The following CHST11 variants were observed in gnomAD, a reference collection of about 807,000 sequenced individuals.
The protein encoded by CHST11 is carbohydrate sulfotransferase 11.
CHST11 carries 9 observed loss-of-function variants against 30.4 expected under a neutral mutation model. That is an observed-to-expected ratio of 0.30 (90% CI 0.18 to 0.52). CHST11 has a LOEUF of 0.52. Among genes scored for constraint, CHST11 ranks in the 20% least tolerant of loss-of-function variants. The pLI is 0.97. For synonymous variants in CHST11, 152 were observed against 187.8 expected (o/e 0.81, Z 1.56); for missense variants, 348 against 460.6 (o/e 0.76, Z 2.24).
intron 1 of CHST11, among the ~76,000 whole-genome samples, chr12:104,574,986 G>A (rs2038668824): frequency 6.6e-6 from 1 of 152,132 alleles, no homozygotes; most frequent in South Asian, 2.1e-4. Context: ...GAGTTCACTA[G>A]TTCAAGACCA....
chr12:104,476,282 T>C (rs2037562250), intron 1 of CHST11, among the ~76,000 whole-genome samples: 2 of 150,356 alleles, frequency 1.3e-5, no homozygotes, highest in African/African-American at 4.9e-5. Flanking sequence ...ACACATGTAG[T>C]ATATACACAT....
intron 1 of CHST11, among the ~76,000 whole-genome samples, chr12:104,482,933 G>A (rs1387685117): frequency 1.3e-5 from 2 of 152,064 alleles, no homozygotes; most frequent in East Asian, 1.9e-4. Flanking sequence ...CATAGACTTG[G>A]CCCGGAGTCA....
chr12:104,600,969 C>T lies in CHST11; in HGVS notation c.119-937C>T, dbSNP rs1486109252. Among the ~76,000 whole-genome samples the T allele has an allele frequency of 6.7e-6, 1 of 149,120 alleles. No homozygotes were observed. The highest frequency in any genetic ancestry group is 2.0e-4 in the East Asian group (1 of 5,086). On this transcript the variant is annotated intron_variant, in intron 1 of 2. Coordinates refer to ENST00000303694, the MANE Select transcript of CHST11 (RefSeq NM_018413.6). This position sits in a 1 kb window ranked among gnomAD's most constrained non-coding sequence, Gnocchi z 4.1. The stretch of plus-strand genomic sequence containing the variant: ...TCCCTCTTTTCCTCTCTCCTTCTTC[C>T]CTTCCCTTCCTTCCTTCGCTTGCTC...
intron 2 of CHST11, among the ~76,000 whole-genome samples, chr12:104,737,639 C>T (rs1592866740): frequency 6.6e-6 from 1 of 152,216 alleles, no homozygotes. Flanking sequence ...CCCTTTTGCC[C>T]AGTGCCTTCC....
intron 2 of CHST11, among the ~76,000 whole-genome samples, chr12:104,628,561 G>A (rs1592803375): frequency 6.6e-6 from 1 of 152,164 alleles, no homozygotes; most frequent in African/African-American, 2.4e-5. Context: ...GAATTCCGCT[G>A]ACAGAAGAGG....
intron 2 of CHST11, among the ~76,000 whole-genome samples, chr12:104,661,838 A>G (rs1383355190): frequency 6.6e-6 from 1 of 152,176 alleles, no homozygotes; most frequent in Non-Finnish European, 1.5e-5. Context: ...CAAAATTTGG[A>G]TAAAGTATTC....
intron 2 of CHST11, among the ~76,000 whole-genome samples, chr12:104,653,912 C>G (rs1233823071): frequency 1.3e-5 from 2 of 152,140 alleles, no homozygotes; most frequent in African/African-American, 4.8e-5. Context: ...TGCTGTGCTT[C>G]TATTTCACCT....
chr12:104,550,096 G>A (rs902902709), intron 1 of CHST11, among the ~76,000 whole-genome samples: 2 of 152,160 alleles, frequency 1.3e-5, no homozygotes, highest in Non-Finnish European at 2.9e-5. Context: ...TAAAACTAGA[G>A]GCACCCCTTG....
At chr12:104,728,049 T>C (rs1204092600) in intron 2 of CHST11, among the ~76,000 whole-genome samples, 1 of 152,218 alleles carries the variant, frequency 6.6e-6, no homozygotes, top group Non-Finnish European at 1.5e-5. Flanking sequence ...GGACATAGCA[T>C]GATGTTAAAA....
At chr12:104,551,347 C>G (rs983955500) in intron 1 of CHST11, among the ~76,000 whole-genome samples, 1 of 152,110 alleles carries the variant, frequency 6.6e-6, no homozygotes, top group African/African-American at 2.4e-5. Flanking sequence ...ACGCTGACAG[C>G]ATCATTCCAC....
At chr12:104,514,533 A>C (rs1375851538) in intron 1 of CHST11, 1 of 515,372 alleles carries the variant, frequency 1.9e-6, no homozygotes, top group Non-Finnish European at 3.5e-6. Context: ...TTTCTCTAAA[A>C]AAAAGAAAAA....
chr12:104,709,385 G>A (rs1326609309), intron 2 of CHST11, among the ~76,000 whole-genome samples: 1 of 152,240 alleles, frequency 6.6e-6, no homozygotes, highest in Admixed American at 6.5e-5. Context: ...AAAGCCAAAA[G>A]GCAGACGTGG....
At position 104,517,464 on chromosome 12, in the gene CHST11, A is replaced by G. The variant is rs150253526; in HGVS notation, c.118+59935A>G. On this transcript the variant is annotated intron_variant, in intron 1 of 2. Coordinates refer to ENST00000303694, the MANE Select transcript of CHST11 (RefSeq NM_018413.6). ...AGGGGCTTCCAGACCCCTGTTTGCA[A>G]TCATCACTTGTACACCAGAGCTTCT... Among the ~76,000 whole-genome samples, 433 of 152,248 alleles carry G rather than the reference A, an allele frequency of 2.8e-3. 3 individuals are homozygous for G. Among genetic ancestry groups the G allele is most frequent in the African/African-American group, 1.0e-2 (414 of 41,538 alleles).
intron 1 of CHST11, among the ~76,000 whole-genome samples, chr12:104,562,839 G>A (rs1258690967): frequency 1.3e-5 from 2 of 152,142 alleles, no homozygotes; most frequent in Non-Finnish European, 2.9e-5. Flanking sequence ...AACAGAGGTG[G>A]CAATTCATGA....
At chr12:104,664,781 T>C (rs1209585874) in intron 2 of CHST11, among the ~76,000 whole-genome samples, 1 of 152,216 alleles carries the variant, frequency 6.6e-6, no homozygotes, top group Non-Finnish European at 1.5e-5. Context: ...CTAAGTGACA[T>C]CCTAAAGTTT....
At chr12:104,586,842 G>A (rs886184993) in intron 1 of CHST11, among the ~76,000 whole-genome samples, 3 of 152,214 alleles carry the variant, frequency 2.0e-5, no homozygotes, top group African/African-American at 4.8e-5. Context: ...GTGTTGCAGT[G>A]CTGTCTCTCT....
chr12:104,579,581 T>G (rs1373494815), intron 1 of CHST11, among the ~76,000 whole-genome samples: 2 of 152,226 alleles, frequency 1.3e-5, no homozygotes, highest in Non-Finnish European at 1.5e-5. Context: ...TATCTTACTG[T>G]TTTATCTCAA....
intron 2 of CHST11, among the ~76,000 whole-genome samples, chr12:104,612,404 C>T (rs10861254): frequency 0.26 from 39,981 of 152,190 alleles, 5,407 homozygotes; most frequent in East Asian, 0.42. Flanking sequence ...GGTGCTCCCC[C>T]TGTGTGGGTG....
intron 1 of CHST11, among the ~76,000 whole-genome samples, chr12:104,493,911 T>C (rs1160752875): frequency 1.3e-5 from 2 of 152,110 alleles, no homozygotes; most frequent in Non-Finnish European, 2.9e-5. Flanking sequence ...GCAGCCTCCA[T>C]CTCTTGGGCT....
Sources: allele counts gnomAD v4.1 joint callset (sites outside exome capture counted in the v4.1 genomes callset), GRCh38; gene constraint gnomAD v4.1.1; non-coding constraint Gnocchi (gnomAD v3.1); transcripts MANE v1.5; gene names NCBI Gene and HGNC (gene_info 2026-07-23, HGNC 2026-07-21).